CACNA1E: variants seen among roughly 807,000 people sequenced by gnomAD.
CACNA1E encodes the protein calcium voltage-gated channel subunit alpha1 E, also known as voltage-dependent R-type calcium channel subunit alpha-1E.
In CACNA1E, 40 loss-of-function variants were observed where a neutral mutation model predicts 259.2. The observed-to-expected ratio is 0.15, with a 90% CI of 0.12 to 0.20. The LOEUF (loss-of-function observed/expected upper bound fraction) is 0.20, where lower values mean the gene tolerates loss of function less well. Ranked by LOEUF, CACNA1E falls within the 10% of genes least tolerant of loss-of-function variation. The pLI, the probability that CACNA1E is intolerant of heterozygous loss-of-function variation, is 1.00. For missense variants in CACNA1E, 1,874 were observed against 3,040.1 expected (o/e 0.62, Z 9.02); for synonymous variants, 1,104 against 1,138.5 (o/e 0.97, Z 0.61).
In CACNA1E at chr1:181,414,742, G is replaced by A. The variant is rs564753954; in HGVS notation, c.434+1162G>A. The stretch of plus-strand genomic sequence containing the variant: ...CCACATGTAACCAATGAGGCACAGA[G>A]AAGTTAAGTGACTTTCTCAAGGTCA... On this transcript the variant is annotated intron_variant, in intron 2 of 11. Transcript: ENST00000524607. Among the ~76,000 whole-genome samples, 123 of 152,362 alleles carry A rather than the reference G, an allele frequency of 8.1e-4. 1 individual carries two copies. Among genetic ancestry groups the A allele is most frequent in the Middle Eastern group, 6.8e-3 (2 of 294 alleles).
At chr1:181,440,750 A>G (rs1023699884) in intron 2 of CACNA1E, among the ~76,000 whole-genome samples, 2 of 151,970 alleles carry the variant, frequency 1.3e-5, no homozygotes, top group Admixed American at 6.6e-5. Context: ...AGGCTGGGGT[A>G]GGCCTTGGAT....
chr1:181,730,613 G>A (rs1655374815), intron 18 of CACNA1E, among the ~76,000 whole-genome samples: 1 of 152,226 alleles, frequency 6.6e-6, no homozygotes, highest in Non-Finnish European at 1.5e-5. Context: ...CATGGATGGT[G>A]GCCTACGGAA....
chr1:181,378,301 G>C (rs1655237735), intron 1 of CACNA1E, among the ~76,000 whole-genome samples: 1 of 152,236 alleles, frequency 6.6e-6, no homozygotes, highest in Admixed American at 6.5e-5. Flanking sequence ...ATAAGAGTTT[G>C]CAAGATCTTG....
chr1:181,757,177 T>C (rs1255332347), intron 30 of CACNA1E, 51 bp downstream of exon 30: 1 of 1,321,368 alleles, frequency 7.6e-7, no homozygotes, highest in African/African-American at 1.4e-5. Context: ...CAGAAAGGAT[T>C]CTTGGGCCAG....
At chr1:181,474,860 A>G (rs1662741426) in intron 2 of CACNA1E, among the ~76,000 whole-genome samples, 1 of 152,220 alleles carries the variant, frequency 6.6e-6, no homozygotes, top group African/African-American at 2.4e-5. Flanking sequence ...TTGTTTAATG[A>G]TTGATAAGAT....
chr1:181,609,278 C>G (rs1437444270), intron 6 of CACNA1E, among the ~76,000 whole-genome samples: 1 of 152,232 alleles, frequency 6.6e-6, no homozygotes, highest in Non-Finnish European at 1.5e-5. Context: ...TAAAACATAA[C>G]TGCAGGGAAG....
At position 181,483,833 on chromosome 1, in the gene CACNA1E, T is replaced by TGCCG. The variant is rs1336522888; in HGVS notation, c.93_96dup (p.Ser33GlyfsTer45). On this transcript the variant is annotated frameshift_variant, in exon 1 of 48. Coordinates refer to ENST00000367573, the MANE Select transcript of CACNA1E (RefSeq NM_001205293.3). LOFTEE classifies it high-confidence loss of function. ...AGCAGGAACCGGCAAGGAACCCCCG[T>TGCCG]GCCGGCCTCGGGGCAGGCGGCCGCC... 6.2e-7 allele frequency: 1 copy of TGCCG among 1,613,636 alleles called. No individual in the cohort carries two copies. Among genetic ancestry groups the TGCCG allele is most frequent in the Non-Finnish European group, 8.5e-7 (1 of 1,179,792 alleles).
At chr1:181,738,338 C>A in intron 23 of CACNA1E, 29 bp from the exon 24 acceptor site, 2 of 1,597,074 alleles carry the variant, frequency 1.3e-6, no homozygotes, top group South Asian at 2.2e-5. Context: ...CACACATGGT[C>A]ATTTCCTTCC....
intron 25 of CACNA1E, among the ~76,000 whole-genome samples, chr1:181,747,424 T>G (rs1017545074): frequency 6.6e-6 from 1 of 150,978 alleles, no homozygotes; most frequent in African/African-American, 2.4e-5. Flanking sequence ...TCTCGTCTTT[T>G]ACTGATGAAA....
At chr1:181,390,801 A>G (rs953658026) in intron 1 of CACNA1E, among the ~76,000 whole-genome samples, 13 of 152,186 alleles carry the variant, frequency 8.5e-5, no homozygotes, top group Non-Finnish European at 1.5e-4. Flanking sequence ...AGCAGGGGAA[A>G]AAGTCAGATG....
chr1:181,452,161 C>G (rs1229682192), intron 2 of CACNA1E, among the ~76,000 whole-genome samples: 1 of 152,128 alleles, frequency 6.6e-6, no homozygotes, highest in African/African-American at 2.4e-5. Flanking sequence ...AGAGGCTGCT[C>G]CTTGGGTGAG....
intron 25 of CACNA1E, among the ~76,000 whole-genome samples, chr1:181,749,007 A>G (rs1657357718): frequency 6.6e-6 from 1 of 152,238 alleles, no homozygotes; most frequent in Non-Finnish European, 1.5e-5. Context: ...TTTAGAGGTT[A>G]TCACATTAAG....
Position 181,794,903 on chromosome 1 carries a change from A to T in CACNA1E, c.6067A>T (p.Thr2023Ser), listed in dbSNP as rs762994535. 20 of 1,613,488 alleles carry T rather than the reference A, an allele frequency of 1.2e-5. No homozygotes were observed. Among genetic ancestry groups the T allele is most frequent in the Non-Finnish European group, 1.4e-5 (17 of 1,179,760 alleles). ...TAGCTCCATGAGACGTTCATTTTCC[A>T]CTATTCGGGATAAGCGTTCAAATTC... is the stretch of plus-strand genomic sequence containing the variant. ...DPSSMRRSFS[T>S]IRDKRSNSSW... Residue 2023 changes from threonine (T) to serine (S), a missense_variant, in exon 46 of 48, where the codon ACT becomes TCT. Thr to Ser is a moderately conservative substitution (Grantham distance 58). Transcript: ENST00000367573.
intron 7 of CACNA1E, among the ~76,000 whole-genome samples, chr1:181,695,106 A>T (rs1651566801): frequency 6.6e-6 from 1 of 152,188 alleles, no homozygotes; most frequent in Non-Finnish European, 1.5e-5. Context: ...AATTTAAATT[A>T]ACTAAAAATG....
intron 2 of CACNA1E, among the ~76,000 whole-genome samples, chr1:181,447,201 T>C (rs1660841328): frequency 1.3e-5 from 2 of 151,914 alleles, no homozygotes; most frequent in Non-Finnish European, 1.5e-5. Flanking sequence ...TTTTGGGATT[T>C]TCCCCCCCTA....
chr1:181,525,147 G>T (rs1667263647), intron 3 of CACNA1E, among the ~76,000 whole-genome samples: 1 of 152,178 alleles, frequency 6.6e-6, no homozygotes, highest in Non-Finnish European at 1.5e-5. Context: ...TTGATCAGAA[G>T]AAAAAACTGG....
chr1:181,528,335 C>A (rs2102714059), intron 3 of CACNA1E, among the ~76,000 whole-genome samples: 1 of 151,954 alleles, frequency 6.6e-6, no homozygotes, highest in South Asian at 2.1e-4. Flanking sequence ...GCCTCCCCAG[C>A]CAAGTGGAAC....
intron 4 of CACNA1E, among the ~76,000 whole-genome samples, chr1:181,578,523 C>A (rs952127476): frequency 6.6e-6 from 1 of 152,206 alleles, no homozygotes; most frequent in Non-Finnish European, 1.5e-5. Context: ...GCCAAGATCA[C>A]GCCACTGCAC....
chr1:181,504,859 T>C (rs1331553048), intron 1 of CACNA1E, among the ~76,000 whole-genome samples: 1 of 152,238 alleles, frequency 6.6e-6, no homozygotes, highest in Non-Finnish European at 1.5e-5. Context: ...AATGATTGTC[T>C]TGAAACTGCT....
Sources: allele counts gnomAD v4.1 joint callset (sites outside exome capture counted in the v4.1 genomes callset), GRCh38; gene constraint gnomAD v4.1.1; transcripts MANE v1.5; gene names NCBI Gene and HGNC (gene_info 2026-07-23, HGNC 2026-07-21).